The following ATP7B variants were observed in gnomAD, a reference collection of about 807,000 sequenced individuals.
ATP7B encodes the protein ATPase copper transporting beta.
Under a neutral mutation model 118.9 loss-of-function variants are expected in ATP7B, and 113 were observed. The ratio of observed to expected loss-of-function variants is 0.95; its 90% CI spans 0.82 to 1.11. ATP7B has a LOEUF of 1.11. Ranked by LOEUF, ATP7B falls within the 50% of genes most tolerant of loss-of-function variation. ATP7B has a pLI of 0.00. For missense variants in ATP7B, 1,867 were observed against 1,871.4 expected (o/e 1.00, Z 0.04); for synonymous variants, 777 against 727.4 (o/e 1.07, Z -1.10).
Position 51,960,141 on chromosome 13 carries a change from T to C in ATP7B, c.2121+7A>G. 1 of 1,613,228 alleles carries C rather than the reference T, an allele frequency of 6.2e-7. No homozygotes were observed. The highest frequency in any genetic ancestry group is 8.5e-7 in the Non-Finnish European group (1 of 1,179,162). On this transcript the variant is annotated splice_region_variant and intron_variant, in intron 7 of 20. Coordinates refer to ENST00000242839, the MANE Select transcript of ATP7B (RefSeq NM_000053.4). ...AGGGAGAGGTCTGCCCACTTTCTCATATATACCTGGACAAAGGTACACAAG... is the reference window on the plus strand; with the variant it reads ...AGGGAGAGGTCTGCCCACTTTCTCACATATACCTGGACAAAGGTACACAAG...
rs965738116 is a variant in ATP7B at position 51,935,536 on chromosome 13, C to T, written c.4124+57G>A. ...GGCAAGTTCCACTGTGCTAAGCATGCAGAATGACAAGGCCTCCTGGGAGCC... is the reference window on the plus strand; with the variant it reads ...GGCAAGTTCCACTGTGCTAAGCATGTAGAATGACAAGGCCTCCTGGGAGCC... On this transcript the variant is annotated intron_variant, in intron 20 of 20. Transcript: ENST00000242839. The T allele has an allele frequency of 1.2e-5, 19 of 1,526,300 alleles. No homozygotes were observed. In the African/African-American group the frequency reaches 2.5e-4, roughly 20 times the overall value. The allele number at this position is 1,526,300 out of a possible 1,614,324, so 94.5% of individuals were successfully genotyped here. A position where few individuals can be genotyped will look rare whatever the true frequency, so the allele number is the denominator to read the frequency against.
intron 4 of ATP7B, 58 bp downstream of exon 4, chr13:51,968,386 T>C: frequency 6.2e-7 from 1 of 1,611,444 alleles, no homozygotes; most frequent in Admixed American, 1.7e-5. Context: ...AAGATGGATG[T>C]GTCCAAAATG....
Position 51,974,409 on chromosome 13 carries a change from A to G in ATP7B, c.811T>C (p.Cys271Arg), listed in dbSNP as rs1349622044. 1.2e-6 allele frequency: 2 copies of G among 1,613,898 alleles called. No homozygotes were observed. Among genetic ancestry groups the G allele is most frequent in the Admixed American group, 3.3e-5 (2 of 60,008 alleles). Residue 271 changes from cysteine to arginine, a missense_variant, in exon 2 of 21, where the codon TGC (cysteine) becomes CGC (arginine). Coordinates refer to ENST00000242839, the MANE Select transcript of ATP7B (RefSeq NM_000053.4). ...ATATTTTCTTCAATATTCAAGACGC[A>G]AGACTTACAATGCATTCCATCTATT... ...LRIDGMHCKS[C>R]VLNIEENIGQ...
rs150287786 is a variant in ATP7B, at chr13:51,983,094, A to C, written c.52-7926T>G. ...TTCACTCGCCTGGAAAGGTGGCTGA[A>C]GCCAGGGAGCCAAGTGGTCTAGCTC... On this transcript the variant is annotated intron_variant, in intron 1 of 20. Coordinates refer to ENST00000242839, the MANE Select transcript of ATP7B (RefSeq NM_000053.4). 5.7e-3 allele frequency among the ~76,000 whole-genome samples: 875 copies of C among 152,312 alleles called. 2 individuals carry two copies. The highest frequency in any genetic ancestry group is 0.019 in the African/African-American group (793 of 41,566).
chr13:52,003,345 AGAGG>A (rs1953608506), intron 1 of ATP7B, among the ~76,000 whole-genome samples: 1 of 152,076 alleles, frequency 6.6e-6, no homozygotes, highest in South Asian at 2.1e-4. Flanking sequence ...GGGAGACCTG[AGAGG>A]GAGGGAGAGA....
chr13:51,966,894 C>G, intron 4 of ATP7B: 3 of 1,612,712 alleles, frequency 1.9e-6, no homozygotes, highest in South Asian at 1.1e-5. Context: ...ATGGCAGAAA[C>G]CTCACCACAA....
chr13:51,966,856 G>T, intron 4 of ATP7B: 1 of 1,613,046 alleles, frequency 6.2e-7, no homozygotes, highest in South Asian at 1.1e-5. Flanking sequence ...GGGCGCAATG[G>T]CCAAGCCAGA....
intron 1 of ATP7B, among the ~76,000 whole-genome samples, chr13:52,008,714 T>C (rs1045032814): frequency 1.8e-4 from 28 of 152,220 alleles, no homozygotes; most frequent in African/African-American, 6.8e-4. Flanking sequence ...TCTCACACTT[T>C]ATGGTTTCTC....
chr13:51,964,013 T>C (rs1958929305), intron 5 of ATP7B, among the ~76,000 whole-genome samples: 1 of 150,126 alleles, frequency 6.7e-6, no homozygotes. Flanking sequence ...ATCATGCCAC[T>C]GCACTCCAGC....
At chr13:52,005,012 C>T (rs1953701023) in intron 1 of ATP7B, among the ~76,000 whole-genome samples, 2 of 152,198 alleles carry the variant, frequency 1.3e-5, no homozygotes, top group Admixed American at 1.3e-4. Flanking sequence ...CCAAGGAGCA[C>T]CGCAGAATGC....
intron 17 of ATP7B, 79 bp from the exon 18 acceptor site, chr13:51,937,758 C>G: frequency 6.6e-7 from 1 of 1,523,756 alleles, no homozygotes; most frequent in South Asian, 1.1e-5. Flanking sequence ...ACCCTTGCCC[C>G]CTCTGCCCTC....
intron 5 of ATP7B, among the ~76,000 whole-genome samples, chr13:51,963,845 A>G (rs1958915968): frequency 6.6e-6 from 1 of 151,890 alleles, no homozygotes. Context: ...AGGTGTCAGG[A>G]GTTTGAGACC....
Position 51,934,948 on chromosome 13 carries a change from C to A in ATP7B, c.4206G>T (p.Val1402=), listed in dbSNP as rs957678118. Residue 1402 remains valine, a synonymous_variant, in exon 21 of 21, where the codon GTG becomes GTT. Coordinates refer to ENST00000242839, the MANE Select transcript of ATP7B (RefSeq NM_000053.4). ...MKPLTASQVS[V]HIGMDDRWRD... ...GCCACCTGTCATCCATGCCTATGTG[C>A]ACACTGACCTGGGATGCCGTCAGGG... The A allele has an allele frequency of 6.2e-7, 1 of 1,614,108 alleles. No individual in the cohort carries two copies. Among genetic ancestry groups the A allele is most frequent in the East Asian group, 2.2e-5 (1 of 44,878 alleles).
intron 9 of ATP7B, among the ~76,000 whole-genome samples, chr13:51,956,081 G>C (rs979430083): frequency 1.3e-5 from 2 of 152,242 alleles, no homozygotes; most frequent in Non-Finnish European, 2.9e-5. Flanking sequence ...GCAAGTGCTG[G>C]GGAGTGAGCC....
In ATP7B at chr13:51,992,340, T is replaced by C. The variant is rs919835676; in HGVS notation, c.52-17172A>G. ...ATTAAATAATACTTCAGTGTTCCAA[T>C]GGAAAAGCAAGGACTTGTCATCAGA... On this transcript the variant is annotated intron_variant, in intron 1 of 20. Transcript: ENST00000242839. 2.0e-5 allele frequency among the ~76,000 whole-genome samples: 3 copies of C among 152,200 alleles called. No homozygotes were observed. The South Asian group carries it at 6.2e-4, about 31-fold the overall frequency.
chr13:51,968,903 C>T (rs189343977), intron 3 of ATP7B, among the ~76,000 whole-genome samples: 7 of 149,446 alleles, frequency 4.7e-5, no homozygotes, highest in African/African-American at 1.5e-4. Context: ...ACTCTGTTGC[C>T]CAGGCTGGGT....
chr13:51,983,086 G>A (rs4600369), intron 1 of ATP7B, among the ~76,000 whole-genome samples: 85,677 of 151,986 alleles, frequency 0.56, 25,682 homozygotes, highest in Non-Finnish European at 0.67. Flanking sequence ...GCCTGGAAAG[G>A]TGGCTGAAGC....
chr13:52,006,630 C>A (rs573515062), intron 1 of ATP7B, among the ~76,000 whole-genome samples: 2 of 152,210 alleles, frequency 1.3e-5, no homozygotes, highest in Non-Finnish European at 2.9e-5. Context: ...GAGTGACTTA[C>A]GCTGTTTTCC....
chr13:51,961,254 G>T (rs1420269021), intron 6 of ATP7B, among the ~76,000 whole-genome samples: 1 of 151,742 alleles, frequency 6.6e-6, no homozygotes, highest in Non-Finnish European at 1.5e-5. Flanking sequence ...GCCCCTCCGA[G>T]ACAGGGAAAG....
Sources: gnomAD v4.1 joint callset for allele counts (sites outside exome capture counted in the v4.1 genomes callset) on GRCh38, gnomAD v4.1.1 for gene constraint, MANE v1.5 for transcripts, NCBI Gene and HGNC (gene_info 2026-07-23, HGNC 2026-07-21) for gene names.